The following PGM2L1 variants were observed in gnomAD, a reference collection of about 807,000 sequenced individuals.
PGM2L1 encodes the protein glucose 1,6-bisphosphate synthase.
In PGM2L1, 35 loss-of-function variants were observed where a neutral mutation model predicts 73.4. The ratio of observed to expected loss-of-function variants is 0.48; its 90% CI spans 0.36 to 0.63. PGM2L1 has a LOEUF of 0.63. PGM2L1 is among the 30% of genes least tolerant of loss of function. The pLI is 0.00. For synonymous variants in PGM2L1, 225 were observed against 253.8 expected (o/e 0.89, Z 1.08); for missense variants, 570 against 742.0 (o/e 0.77, Z 2.69).
At chr11:74,363,742 T>C (rs1022961382) in intron 5 of PGM2L1, among the ~76,000 whole-genome samples, 4 of 152,016 alleles carry the variant, frequency 2.6e-5, no homozygotes, top group Non-Finnish European at 5.9e-5. Flanking sequence ...CCAAAAAAAG[T>C]CCAGGACCAG....
chr11:74,341,329 G>T (rs1282960826), intron 12 of PGM2L1, among the ~76,000 whole-genome samples: 1 of 152,130 alleles, frequency 6.6e-6, no homozygotes, highest in Non-Finnish European at 1.5e-5. Flanking sequence ...CCAAACTGGG[G>T]CTCAGCCCAG....
intron 1 of PGM2L1, among the ~76,000 whole-genome samples, chr11:74,383,824 A>AATATATATAGAT (rs1555102285): frequency 1.6e-5 from 2 of 121,836 alleles, no homozygotes; most frequent in Admixed American, 1.6e-4. Context: ...TATATAAATA[A>AATATATATAGAT]ATATATATAT....
chr11:74,352,265 A>C (rs1862369756), intron 5 of PGM2L1, among the ~76,000 whole-genome samples: 1 of 152,122 alleles, frequency 6.6e-6, no homozygotes, highest in African/African-American at 2.4e-5. Context: ...AAGAAACCAC[A>C]GACTATTCCC....
Position 74,351,307 on chromosome 11 carries a change from T to C in PGM2L1, c.749+76A>G, listed in dbSNP as rs76196117. ...TTTTAATCTAATAAATAGACAACACTTTTTATCACTTTTTATTCTCCTCAT... is the reference window on the plus strand; with the variant it reads ...TTTTAATCTAATAAATAGACAACACCTTTTATCACTTTTTATTCTCCTCAT... On this transcript the variant is annotated intron_variant, in intron 6 of 13. Coordinates refer to ENST00000298198, the MANE Select transcript of PGM2L1 (RefSeq NM_173582.6). 2.2e-3 allele frequency: 2,965 copies of C among 1,364,164 alleles called. 43 individuals carry two copies. In the African/African-American group the frequency reaches 0.035, roughly 16 times the overall value. The allele number at this position is 1,364,164 out of a possible 1,614,324, so 84.5% of individuals were successfully genotyped here.
rs116484359 is a variant in PGM2L1 at position 74,330,539 on chromosome 11, A to G, written c.*6113T>C. On this transcript the variant is annotated 3_prime_UTR_variant, in exon 14 of 14. Transcript: ENST00000298198. ...TAGTCAGAAAAATAATTCATTCTTG[A>G]CTGCATAAATTTTACCTGGCATATT... The G allele has an allele frequency of 6.6e-6, 1 of 152,638 alleles. No homozygotes were observed. Among genetic ancestry groups the G allele is most frequent in the African/African-American group, 2.4e-5 (1 of 41,448 alleles). 9.5% of individuals were successfully genotyped at this position (152,638 alleles called of 1,614,324 possible). A position where few individuals can be genotyped will look rare whatever the true frequency, so the allele number is the denominator to read the frequency against.
chr11:74,349,510 A>G (rs1862317668), intron 6 of PGM2L1, among the ~76,000 whole-genome samples: 2 of 152,132 alleles, frequency 1.3e-5, no homozygotes, highest in Non-Finnish European at 2.9e-5. Context: ...GGCAAGGAAA[A>G]CAAAGTTATC....
rs11236078 is a variant in PGM2L1 at position 74,369,191 on chromosome 11, A to T, written c.472-616T>A. ...TTCAAAAGGGTGTCAGTGATTGGTC[A>T]CTGAGCATCTGTTACTTAGCGCTCA... On this transcript the variant is annotated intron_variant, in intron 4 of 13. Coordinates refer to ENST00000298198, the MANE Select transcript of PGM2L1 (RefSeq NM_173582.6). Among the ~76,000 whole-genome samples the T allele has an allele frequency of 4.0e-3, 608 of 152,318 alleles. 6 individuals carry two copies. The highest frequency in any genetic ancestry group is 0.014 in the African/African-American group (575 of 41,568).
rs577983122 is a variant in PGM2L1, at chr11:74,332,707, C to G, written c.*3945G>C. 5.9e-5 allele frequency: 9 copies of G among 152,548 alleles called. No individual in the cohort carries two copies. The East Asian group carries it at 1.7e-3, about 29-fold the overall frequency. The allele number at this position is 152,548 out of a possible 1,614,324, so 9.4% of individuals were successfully genotyped here. On this transcript the variant is annotated 3_prime_UTR_variant, in exon 14 of 14. Transcript: ENST00000298198. ...ATAGAACAACTTATCCATTAAACTA[C>G]AGCTAATATCCCTGTTGCATCAATT...
intron 5 of PGM2L1, chr11:74,355,670 G>T (rs1862439313): frequency 4.0e-6 from 2 of 504,060 alleles, no homozygotes; most frequent in African/African-American, 1.9e-5. Context: ...TGAAACCAAG[G>T]TGGCTATGGT....
At chr11:74,344,110 C>T (rs1438188562) in intron 9 of PGM2L1, among the ~76,000 whole-genome samples, 1 of 151,902 alleles carries the variant, frequency 6.6e-6, no homozygotes, top group Non-Finnish European at 1.5e-5. Context: ...AACGCTGTCG[C>T]TGAAACACAG....
chr11:74,335,318 C>CTCAA lies in PGM2L1; in HGVS notation c.*1333_*1334insTTGA, dbSNP rs1565432526. On this transcript the variant is annotated 3_prime_UTR_variant, in exon 14 of 14. Transcript: ENST00000298198. ...TGTATTTTTAGTAGAGACAGGGTTT[C>CTCAA]ACCATATTGGCCAGGCTAGTCTCAA... 2.0e-5 allele frequency: 3 copies of CTCAA among 151,730 alleles called. No homozygotes were observed. The highest frequency in any genetic ancestry group is 7.3e-5 in the African/African-American group (3 of 41,318). The allele number at this position is 151,730 out of a possible 1,614,324, so 9.4% of individuals were successfully genotyped here. A position where few individuals can be genotyped will look rare whatever the true frequency, so the allele number is the denominator to read the frequency against.
At chr11:74,384,322 A>G (rs1194227299) in intron 1 of PGM2L1, among the ~76,000 whole-genome samples, 1 of 151,622 alleles carries the variant, frequency 6.6e-6, no homozygotes. Context: ...TTTTTGTATT[A>G]TTTTCATTTC....
intron 12 of PGM2L1, among the ~76,000 whole-genome samples, chr11:74,340,802 T>A (rs1020408254): frequency 2.0e-5 from 3 of 152,274 alleles, no homozygotes; most frequent in Admixed American, 2.0e-4. Context: ...AGGTGTCTAA[T>A]TATGAGGCCT....
chr11:74,347,821 C>T (rs1862292179), intron 6 of PGM2L1, among the ~76,000 whole-genome samples: 1 of 152,124 alleles, frequency 6.6e-6, no homozygotes, highest in African/African-American at 2.4e-5. Flanking sequence ...CAGGCTTGCA[C>T]CAAAATAGTT....
At chr11:74,375,304 C>T (rs1262926212) in intron 1 of PGM2L1, among the ~76,000 whole-genome samples, 1 of 152,134 alleles carries the variant, frequency 6.6e-6, no homozygotes, top group Non-Finnish European at 1.5e-5. Context: ...ATTTCATTGT[C>T]GTGTACTTTA....
At chr11:74,357,865 A>G (rs1410228004) in intron 5 of PGM2L1, among the ~76,000 whole-genome samples, 1 of 152,226 alleles carries the variant, frequency 6.6e-6, no homozygotes, top group African/African-American at 2.4e-5. Context: ...GAAATGAGCT[A>G]TCCAGCCATG....
chr11:74,356,458 C>A (rs1343437678), intron 5 of PGM2L1, among the ~76,000 whole-genome samples: 3 of 151,952 alleles, frequency 2.0e-5, no homozygotes, highest in African/African-American at 7.3e-5. Flanking sequence ...ACTAAAGAAT[C>A]TAAAAGAAGT....
At chr11:74,345,676 C>T (rs1471911304) in intron 8 of PGM2L1, 27 bp from the exon 9 acceptor site, 4 of 1,596,230 alleles carry the variant, frequency 2.5e-6, no homozygotes, top group East Asian at 2.2e-5. Context: ...AATACAATGT[C>T]AAGACCTTTC....
chr11:74,334,153 ACTTTT>A lies in PGM2L1; in HGVS notation c.*2494_*2498del, dbSNP rs768695329. On this transcript the variant is annotated 3_prime_UTR_variant, in exon 14 of 14. Transcript: ENST00000298198. ...AACTTGAGAGAAGAACACTTCAATA[ACTTTT>A]CACCTTAAGATGACTTAAATGTTGC... 4.6e-5 allele frequency: 7 copies of A among 152,248 alleles called. No homozygotes were observed. Among genetic ancestry groups the A allele is most frequent in the Non-Finnish European group, 1.0e-4 (7 of 68,038 alleles). 9.4% of individuals were successfully genotyped at this position (152,248 alleles called of 1,614,324 possible). A position where few individuals can be genotyped will look rare whatever the true frequency, so the allele number is the denominator to read the frequency against.
Sources: allele counts gnomAD v4.1 joint callset (sites outside exome capture counted in the v4.1 genomes callset), GRCh38; gene constraint gnomAD v4.1.1; transcripts MANE v1.5; gene names NCBI Gene and HGNC (gene_info 2026-07-23, HGNC 2026-07-21).